Variants in HAVCR2 observed in about 807,000 individuals in gnomAD.
HAVCR2 encodes the protein T cell immunoglobulin mucin 3.
A neutral mutation model predicts 24.7 loss-of-function variants in HAVCR2; 13 were observed. The ratio of observed to expected loss-of-function variants is 0.53; its 90% confidence interval spans 0.34 to 0.84. The LOEUF is 0.84. Ranked by LOEUF, HAVCR2 falls within the 40% of genes least tolerant of loss-of-function variation. The pLI is 0.01. For synonymous variants in HAVCR2, 154 were observed against 143.4 expected, an observed-to-expected ratio of 1.07 and a Z score of -0.53; for missense variants, 343 against 371.2, an observed-to-expected ratio of 0.92 and a Z score of 0.62.
intron 4 of HAVCR2, among the ~76,000 whole-genome samples, chr5:157,096,186 T>C (rs1318190039): frequency 1.5e-5 from 2 of 134,816 alleles, no homozygotes. Flanking sequence ...GTTGAGATCA[T>C]GCCACTGCAC....
In HAVCR2 at chr5:157,086,355, T is replaced by A. The variant is rs1416678539; in HGVS notation, c.*747A>T. ...CCTGGTCCAGTCATCTCTTAATCTTTTAAGGATCACTGGCTGGATGTGGTG... is the reference window on the plus strand; with the variant it reads ...CCTGGTCCAGTCATCTCTTAATCTTATAAGGATCACTGGCTGGATGTGGTG... On this transcript the variant is annotated 3_prime_UTR_variant, in exon 7 of 7. Coordinates refer to ENST00000307851, the MANE Select transcript of HAVCR2 (RefSeq NM_032782.5). 1.3e-5 allele frequency: 2 copies of A among 152,214 alleles called. No individual in the cohort carries two copies. The highest frequency in any genetic ancestry group is 4.8e-5 in the African/African-American group (2 of 41,442). The allele number at this position is 152,214 out of a possible 1,614,324, so 9.4% of individuals were successfully genotyped here.
intron 4 of HAVCR2, 132 bp downstream of exon 4, chr5:157,098,726 C>T (rs975070821): frequency 5.3e-6 from 4 of 761,336 alleles, no homozygotes; most frequent in Non-Finnish European, 8.9e-6. Flanking sequence ...CAACATGTTA[C>T]AGCCCAGGAA....
intron 4 of HAVCR2, among the ~76,000 whole-genome samples, chr5:157,096,712 G>A (rs766374846): frequency 3.9e-5 from 6 of 152,094 alleles, no homozygotes; most frequent in Non-Finnish European, 7.4e-5. Context: ...AGGAGGCAGA[G>A]GTTGCAGTGA....
intron 1 of HAVCR2, 88 bp downstream of exon 1, chr5:157,108,838 A>ACAG: frequency 7.8e-7 from 1 of 1,288,302 alleles, no homozygotes; most frequent in South Asian, 1.4e-5. Context: ...GCTATTACAA[A>ACAG]CAACATTACA....
intron 4 of HAVCR2, 97 bp downstream of exon 4, chr5:157,098,760 CT>C: frequency 8.9e-7 from 1 of 1,129,088 alleles, no homozygotes; most frequent in South Asian, 1.4e-5. Context: ...GAACTTAAGG[CT>C]TTTTACCCCA....
intron 3 of HAVCR2, among the ~76,000 whole-genome samples, chr5:157,102,247 T>C (rs1291647979): frequency 6.6e-6 from 1 of 151,776 alleles, no homozygotes; most frequent in African/African-American, 2.4e-5. Flanking sequence ...TAATTTTTTG[T>C]ATTCTTAGTA....
chr5:157,095,424 A>G lies in HAVCR2; in HGVS notation c.558T>C (p.Ser186=). 6.2e-7 allele frequency: 1 copy of G among 1,613,984 alleles called. No homozygotes were observed. ...AGTCCCGTAAGTCATTGGCCAATCT[A>G]GAGTCCCGTAACTCATTGGCCAATG... ...ISTLANELRD[S]RLANDLRDSG... is the part of the protein sequence containing the mutation. Residue 186 remains serine (S), a synonymous_variant, in exon 5 of 7, where the codon TCT becomes TCC. Transcript: ENST00000307851.
chr5:157,105,866 G>A (rs1050533404), intron 2 of HAVCR2, among the ~76,000 whole-genome samples: 2 of 152,106 alleles, frequency 1.3e-5, no homozygotes, highest in Non-Finnish European at 1.5e-5. Flanking sequence ...GTTTTTGGTA[G>A]TGGGGTTTTT....
Position 157,106,662 on chromosome 5 carries a change from T to A in HAVCR2, c.359A>T (p.Asp120Val). The change falls in exon 2 of 7, where the codon GAT becomes GTT. Residue 120 changes from aspartate to valine, a missense_variant. Transcript: ENST00000307851. ...CRIQIPGIMN[D>V]EKFNLKLVIK... The stretch of plus-strand genomic sequence containing the variant: ...GACCAACTTCAGGTTAAATTTTTCA[T>A]CATTCATTATGCCTGGGATTTGGAT... The A allele has an allele frequency of 6.2e-7, 1 of 1,614,234 alleles. No individual in the cohort carries two copies. Among genetic ancestry groups the A allele is most frequent in the South Asian group, 1.1e-5 (1 of 91,088 alleles).
chr5:157,088,028 G>T (rs1216870923), intron 6 of HAVCR2, among the ~76,000 whole-genome samples: 1 of 152,162 alleles, frequency 6.6e-6, no homozygotes, highest in Non-Finnish European at 1.5e-5. Flanking sequence ...CACAATCATG[G>T]CTCATTGCAG....
chr5:157,089,039 C>A (rs1274467838), intron 5 of HAVCR2, 62 bp from the exon 6 acceptor site: 8 of 1,437,610 alleles, frequency 5.6e-6, no homozygotes. Context: ...GACAAGAAAT[C>A]AAATAGGTTC....
rs749562254 is a variant in HAVCR2 at position 157,104,738 on chromosome 5, G to A, written c.406C>T (p.Pro136Ser). The A allele has an allele frequency of 3.1e-6, 5 of 1,596,206 alleles. No individual in the cohort carries two copies. In the South Asian group the frequency reaches 5.7e-5, roughly 18 times the overall value. Residue 136 changes from proline to serine, a missense_variant, in exon 3 of 7, where the codon CCT becomes TCT. By Grantham distance (74) the Pro-to-Ser change is moderately conservative. Coordinates refer to ENST00000307851, the MANE Select transcript of HAVCR2 (RefSeq NM_032782.5). ...AAGTCTCTCTGCCGAGTCGGTGCAGGGGTGACCTTGGCTAATGTCAGAAAC... is the reference window on the plus strand; with the variant it reads ...AAGTCTCTCTGCCGAGTCGGTGCAGAGGTGACCTTGGCTAATGTCAGAAAC... ...KLVIKPAKVT[P>S]APTRQRDFTA... is the part of the protein sequence containing the mutation.
chr5:157,094,199 C>CATT (rs1241879701), intron 5 of HAVCR2, among the ~76,000 whole-genome samples: 9 of 150,776 alleles, frequency 6.0e-5, no homozygotes, highest in Non-Finnish European at 1.0e-4. Context: ...ATGCCCAGCT[C>CATT]ATTATTATTA....
At position 157,089,733 on chromosome 5, in the gene HAVCR2, T is replaced by C. The variant is rs565009781; in HGVS notation, c.677-756A>G. Among the ~76,000 whole-genome samples the C allele has an allele frequency of 2.0e-5, 3 of 152,198 alleles. No homozygotes were observed. In the East Asian group the frequency reaches 5.8e-4, roughly 29 times the overall value. On this transcript the variant is annotated intron_variant, in intron 5 of 6. Transcript: ENST00000307851. ...CCAAGTAAAGAGCCAGAAGGAGCAT[T>C]CCAGGATGAGGGAGCCCCTTGTAAA... is the stretch of plus-strand genomic sequence containing the variant.
At chr5:157,101,947 T>TC (rs898706792) in intron 3 of HAVCR2, among the ~76,000 whole-genome samples, 2 of 146,266 alleles carry the variant, frequency 1.4e-5, no homozygotes, top group African/African-American at 5.0e-5. Context: ...GGCTATTTTT[T>TC]TTTTTTTTTT....
Position 157,095,414 on chromosome 5 carries a change from T to G in HAVCR2, c.568A>C (p.Asn190His), listed in dbSNP as rs1299526455. 1 of 1,614,030 alleles carries G rather than the reference T, an allele frequency of 6.2e-7. No individual in the cohort carries two copies. The highest frequency in any genetic ancestry group is 1.3e-5 in the African/African-American group (1 of 75,050). The change falls in exon 5 of 7, where the codon AAT (asparagine) becomes CAT (histidine). Residue 190 changes from asparagine (N) to histidine (H), a missense_variant. By Grantham distance (68) the Asn-to-His change is moderately conservative (BLOSUM62 1). Transcript: ENST00000307851. ...ANELRDSRLA[N>H]DLRDSGATIR... ...GTTGCTCCAGAGTCCCGTAAGTCAT[T>G]GGCCAATCTAGAGTCCCGTAACTCA... is the stretch of plus-strand genomic sequence containing the variant.
chr5:157,092,525 C>G (rs1435821282), intron 5 of HAVCR2, among the ~76,000 whole-genome samples: 1 of 152,004 alleles, frequency 6.6e-6, no homozygotes, highest in Non-Finnish European at 1.5e-5. Flanking sequence ...CAGCTCACTG[C>G]AACCTCCGCC....
chr5:157,088,741 C>A (rs976891584), intron 6 of HAVCR2, among the ~76,000 whole-genome samples, 200 bp downstream of exon 6: 2 of 152,148 alleles, frequency 1.3e-5, no homozygotes, highest in African/African-American at 4.8e-5. Flanking sequence ...AACTTTAGAA[C>A]TAAAGAAGCT....
intron 3 of HAVCR2, among the ~76,000 whole-genome samples, chr5:157,102,231 T>C (rs185914530): frequency 1.3e-5 from 2 of 151,236 alleles, no homozygotes; most frequent in Non-Finnish European, 3.0e-5. Context: ...GCCACTGCAC[T>C]CAGCCTAATT....
Sources: gnomAD v4.1 joint callset for allele counts (sites outside exome capture counted in the v4.1 genomes callset) on GRCh38, gnomAD v4.1.1 for gene constraint, MANE v1.5 for transcripts, NCBI Gene and HGNC (gene_info 2026-07-23, HGNC 2026-07-21) for gene names.